LRRC8B: variants seen among roughly 807,000 people sequenced by gnomAD.
LRRC8B encodes the protein leucine rich repeat containing 8 VRAC subunit B.
In LRRC8B, 23 loss-of-function variants were observed where a neutral mutation model predicts 58.8. The ratio of observed to expected loss-of-function variants is 0.39; its 90% CI spans 0.28 to 0.55. LRRC8B has a LOEUF of 0.55. Ranked by LOEUF, LRRC8B falls within the 20% of genes least tolerant of loss-of-function variation. The pLI is 0.62. For missense variants in LRRC8B, 694 were observed against 936.0 expected (o/e 0.74, Z 3.37); for synonymous variants, 359 against 374.1 (o/e 0.96, Z 0.47).
intron 1 of LRRC8B, among the ~76,000 whole-genome samples, chr1:89,565,624 G>A (rs961743309): frequency 1.3e-5 from 2 of 152,180 alleles, no homozygotes; most frequent in African/African-American, 4.8e-5. Flanking sequence ...CACCAGTGGT[G>A]TTCACAGATC....
At chr1:89,538,400 A>G (rs752734246) in intron 1 of LRRC8B, among the ~76,000 whole-genome samples, 2 of 152,182 alleles carry the variant, frequency 1.3e-5, no homozygotes, top group Non-Finnish European at 2.9e-5. Context: ...AGTAGACAGG[A>G]GAGAATGTTC....
At chr1:89,552,519 C>G (rs1037187547) in intron 1 of LRRC8B, among the ~76,000 whole-genome samples, 3 of 152,074 alleles carry the variant, frequency 2.0e-5, no homozygotes, top group African/African-American at 7.2e-5. Context: ...GCAGACTAAT[C>G]AGTAAAATAC....
chr1:89,566,176 C>G, intron 1 of LRRC8B, among the ~76,000 whole-genome samples: 1 of 152,104 alleles, frequency 6.6e-6, no homozygotes, highest in East Asian at 1.9e-4. Context: ...TGCCCCAGCC[C>G]TCAAAGAATC....
At chr1:89,566,308 G>A (rs1653042040) in intron 1 of LRRC8B, among the ~76,000 whole-genome samples, 1 of 152,206 alleles carries the variant, frequency 6.6e-6, no homozygotes, top group Non-Finnish European at 1.5e-5. Flanking sequence ...GCTCATAGAG[G>A]TGATTCCACT....
At chr1:89,582,457 T>G (rs565853432) in intron 4 of LRRC8B, among the ~76,000 whole-genome samples, 168 bp from the exon 5 acceptor site, 2 of 152,322 alleles carry the variant, frequency 1.3e-5, no homozygotes, top group South Asian at 4.1e-4. Context: ...GCCTATAGTT[T>G]CAAATGAAAC....
chr1:89,568,044 G>A (rs564873245), intron 1 of LRRC8B, among the ~76,000 whole-genome samples: 5 of 152,228 alleles, frequency 3.3e-5, no homozygotes, highest in East Asian at 1.9e-4. Context: ...CAAATGTTAA[G>A]TCTTTCACGT....
chr1:89,597,802 G>A lies in LRRC8B; in HGVS notation c.*4759G>A, dbSNP rs1655360749. The A allele has an allele frequency of 6.6e-6, 1 of 152,084 alleles. No individual in the cohort carries two copies. Among genetic ancestry groups the A allele is most frequent in the Non-Finnish European group, 1.5e-5 (1 of 68,012 alleles). 9.4% of individuals were successfully genotyped at this position (152,084 alleles called of 1,614,324 possible). The stretch of plus-strand genomic sequence containing the variant: ...CTTCACTGTTTTTAAAGTACCTTTT[G>A]TGTAAAATAAAGATCCAATTTTTAT... On this transcript the variant is annotated 3_prime_UTR_variant, in exon 6 of 6. Transcript: ENST00000330947.
chr1:89,526,538 T>C lies in LRRC8B; in HGVS notation c.-241+1516T>C, dbSNP rs534249129. Among the ~76,000 whole-genome samples, 4 of 152,316 alleles carry C rather than the reference T, an allele frequency of 2.6e-5. No homozygotes were observed. The South Asian group carries it at 8.3e-4, about 32-fold the overall frequency. On this transcript the variant is annotated intron_variant, in intron 1 of 5. Transcript: ENST00000330947. Reference sequence around the variant, plus strand: ...TGAATTGTGGGTGCCGAGGTGACTTTCTTTTTCTCCTGGCTTTCCTTGTCA... The same window carrying C: ...TGAATTGTGGGTGCCGAGGTGACTTCCTTTTTCTCCTGGCTTTCCTTGTCA...
At chr1:89,591,133 T>C (rs1226176372) in intron 5 of LRRC8B, among the ~76,000 whole-genome samples, 1 of 152,228 alleles carries the variant, frequency 6.6e-6, no homozygotes, top group Non-Finnish European at 1.5e-5. Flanking sequence ...TCCCAGCAGC[T>C]AGCTGGGAGC....
In LRRC8B at chr1:89,534,891, T is replaced by C. The variant is rs547876085; in HGVS notation, c.-241+9869T>C. ...AAGCAAAGAAATAGAAACTTTACTCTGACTCCCAAAAGGATTTTTCTCAGG... is the reference window on the plus strand; with the variant it reads ...AAGCAAAGAAATAGAAACTTTACTCCGACTCCCAAAAGGATTTTTCTCAGG... On this transcript the variant is annotated intron_variant, in intron 1 of 5. Transcript: ENST00000330947. 2.0e-5 allele frequency among the ~76,000 whole-genome samples: 3 copies of C among 152,254 alleles called. No homozygotes were observed. The South Asian group carries it at 6.2e-4, about 32-fold the overall frequency.
chr1:89,575,135 CAG>C lies in LRRC8B; in HGVS notation c.-124-4451_-124-4450del, dbSNP rs373760607. ...AAGAGGAATGTAAATCATTTCTGGC[CAG>C]AGAGTAGACTGTGGTGGACTAAGCA... is the stretch of plus-strand genomic sequence containing the variant. On this transcript the variant is annotated intron_variant, in intron 3 of 5. Transcript: ENST00000330947. Among the ~76,000 whole-genome samples the C allele has an allele frequency of 2.6e-4, 40 of 152,206 alleles. No individual in the cohort carries two copies. The East Asian group carries it at 4.1e-3, about 15-fold the overall frequency.
chr1:89,546,579 C>T (rs1651421410), intron 1 of LRRC8B, among the ~76,000 whole-genome samples: 1 of 152,178 alleles, frequency 6.6e-6, no homozygotes, highest in Non-Finnish European at 1.5e-5. Flanking sequence ...CTCTACTACT[C>T]CCTTTCAAAC....
At chr1:89,535,233 C>G (rs900388157) in intron 1 of LRRC8B, among the ~76,000 whole-genome samples, 2 of 152,026 alleles carry the variant, frequency 1.3e-5, no homozygotes, top group Non-Finnish European at 2.9e-5. Context: ...AACCCCATAC[C>G]CCAGCTTGAA....
chr1:89,534,703 A>G (rs1416664396), intron 1 of LRRC8B, among the ~76,000 whole-genome samples: 3 of 152,220 alleles, frequency 2.0e-5, no homozygotes, highest in Admixed American at 1.3e-4. Flanking sequence ...GTGCTTAAGA[A>G]ATCTTGCCAT....
At chr1:89,584,823 C>A in intron 5 of LRRC8B, 34 bp downstream of exon 5, 1 of 1,423,372 alleles carries the variant, frequency 7.0e-7, no homozygotes, top group Non-Finnish European at 9.7e-7. Flanking sequence ...TATTCAGTAT[C>A]TGCCGTACTT....
chr1:89,580,785 A>C (rs1455093916), intron 4 of LRRC8B, among the ~76,000 whole-genome samples: 1 of 152,192 alleles, frequency 6.6e-6, no homozygotes, highest in Non-Finnish European at 1.5e-5. Context: ...CAGAGAGGAC[A>C]CAAGCAGAAA....
chr1:89,572,242 G>A (rs75557654), intron 3 of LRRC8B, among the ~76,000 whole-genome samples: 8 of 152,254 alleles, frequency 5.3e-5, no homozygotes, highest in East Asian at 3.9e-4. Context: ...CATTGTAGGC[G>A]ACCTGACCTT....
At chr1:89,582,401 C>T (rs894968270) in intron 4 of LRRC8B, among the ~76,000 whole-genome samples, 3 of 152,146 alleles carry the variant, frequency 2.0e-5, no homozygotes, top group African/African-American at 7.2e-5. Context: ...TAGTCAGTAT[C>T]ACTAAATGGT....
chr1:89,546,444 TG>T (rs1651411068), intron 1 of LRRC8B, among the ~76,000 whole-genome samples: 1 of 152,188 alleles, frequency 6.6e-6, no homozygotes, highest in Admixed American at 6.5e-5. Context: ...CAAGTTTCAA[TG>T]GTGGGATATA....
Sources: allele counts gnomAD v4.1 joint callset (sites outside exome capture counted in the v4.1 genomes callset), GRCh38; gene constraint gnomAD v4.1.1; transcripts MANE v1.5; gene names NCBI Gene and HGNC (gene_info 2026-07-23, HGNC 2026-07-21).